Variants in NAALADL2 observed in about 807,000 individuals in gnomAD.
NAALADL2 encodes inactive N-acetylated-alpha-linked acidic dipeptidase-like protein 2.
Under a neutral mutation model 87.2 loss-of-function variants are expected in NAALADL2, and 76 were observed. The ratio of observed to expected loss-of-function variants is 0.87; its 90% confidence interval spans 0.72 to 1.05. NAALADL2 has a LOEUF of 1.05. NAALADL2 is among the 50% of genes least tolerant of loss of function. The pLI is 0.00. For synonymous variants in NAALADL2, 354 were observed against 331.0 expected, an observed-to-expected ratio of 1.07 and a Z score of -0.75; for missense variants, 1,089 against 945.8, an observed-to-expected ratio of 1.15 and a Z score of -1.99.
At chr3:175,245,588 T>C (rs1747831508) in intron 3 of NAALADL2, among the ~76,000 whole-genome samples, 1 of 152,230 alleles carries the variant, frequency 6.6e-6, no homozygotes, top group Non-Finnish European at 1.5e-5. Context: ...ATTTGTGCTA[T>C]TGAAACATAG....
At chr3:175,722,610 C>T (rs760615033) in intron 11 of NAALADL2, among the ~76,000 whole-genome samples, 21 of 152,064 alleles carry the variant, frequency 1.4e-4, no homozygotes, top group Non-Finnish European at 2.5e-4. Context: ...TGCTGTTTTC[C>T]ACTAAATAAA....
chr3:175,665,932 C>T (rs566914725), intron 11 of NAALADL2, among the ~76,000 whole-genome samples: 1 of 151,510 alleles, frequency 6.6e-6, no homozygotes, highest in East Asian at 1.9e-4. Flanking sequence ...TCTGTCCCCC[C>T]CCCAAAAAAA....
At chr3:174,638,023 A>C (rs1176702760) in intron 2 of NAALADL2, among the ~76,000 whole-genome samples, 1 of 152,204 alleles carries the variant, frequency 6.6e-6, no homozygotes, top group Non-Finnish European at 1.5e-5. Flanking sequence ...AATGAAATGC[A>C]CCAATAGTAG....
chr3:174,947,163 A>G (rs184866016), intron 1 of NAALADL2, among the ~76,000 whole-genome samples: 27 of 152,156 alleles, frequency 1.8e-4, no homozygotes, highest in Non-Finnish European at 3.5e-4. Context: ...TTGCTGCCAC[A>G]TGATACTGAT....
intron 2 of NAALADL2, among the ~76,000 whole-genome samples, chr3:174,642,129 C>G: frequency 6.6e-6 from 1 of 152,056 alleles, no homozygotes. Context: ...ACACACAATG[C>G]TTTCTAAAGA....
chr3:175,172,043 G>A (rs996471270), intron 2 of NAALADL2, among the ~76,000 whole-genome samples: 7 of 152,054 alleles, frequency 4.6e-5, no homozygotes, highest in African/African-American at 1.7e-4. Flanking sequence ...ATATTTTAAA[G>A]TAGCTAGAAG....
Position 174,500,119 on chromosome 3 carries a change from G to A in NAALADL2, c.-183-50450G>A, listed in dbSNP as rs760205328. 4.6e-5 allele frequency among the ~76,000 whole-genome samples: 7 copies of A among 151,668 alleles called. No individual in the cohort carries two copies. The South Asian group carries it at 1.5e-3, about 32-fold the overall frequency. On this transcript the variant is annotated intron_variant, in intron 1 of 3. Transcript: ENST00000434257. Reference sequence around the variant, plus strand: ...TTCTCTTGGCAATGTTTTATTTTCAGTTTATAGGTCTTCTACACCTTTTGT... The same window carrying A: ...TTCTCTTGGCAATGTTTTATTTTCAATTTATAGGTCTTCTACACCTTTTGT...
At chr3:174,954,141 C>T (rs1740830345) in intron 1 of NAALADL2, among the ~76,000 whole-genome samples, 1 of 152,006 alleles carries the variant, frequency 6.6e-6, no homozygotes, top group Non-Finnish European at 1.5e-5. Context: ...GGATCAAGCC[C>T]ACTGCCCTAA....
chr3:174,956,533 A>C (rs1741176722), intron 1 of NAALADL2, among the ~76,000 whole-genome samples: 1 of 152,106 alleles, frequency 6.6e-6, no homozygotes, highest in South Asian at 2.1e-4. Context: ...TATAGGGTTT[A>C]GTGAGATAAA....
At chr3:174,586,326 A>G (rs1258503803) in intron 2 of NAALADL2, among the ~76,000 whole-genome samples, 1 of 152,216 alleles carries the variant, frequency 6.6e-6, no homozygotes, top group Non-Finnish European at 1.5e-5. Flanking sequence ...TACGATAAAT[A>G]AGGCCACAAT....
intron 11 of NAALADL2, among the ~76,000 whole-genome samples, chr3:175,726,964 C>T (rs1440464285): frequency 6.6e-6 from 1 of 152,116 alleles, no homozygotes; most frequent in Non-Finnish European, 1.5e-5. Context: ...GGTGTTAGTA[C>T]ATACTTGCAA....
rs542481747 is a variant in NAALADL2, at chr3:174,717,006, G to T, written c.-114-20635G>T. The stretch of plus-strand genomic sequence containing the variant: ...ATTTTAGAATTGTTTTTTTTCCAAA[G>T]ACCTTGTTTTGTATAGAAACAGAGA... On this transcript the variant is annotated intron_variant, in intron 2 of 3. Transcript: ENST00000434257. Among the ~76,000 whole-genome samples the T allele has an allele frequency of 2.8e-4, 43 of 152,038 alleles. No homozygotes were observed. In the Middle Eastern group the frequency reaches 0.01, roughly 36 times the overall value.
At chr3:175,595,355 T>G (rs573077623) in intron 10 of NAALADL2, among the ~76,000 whole-genome samples, 1 of 152,242 alleles carries the variant, frequency 6.6e-6, no homozygotes, top group Non-Finnish European at 1.5e-5. Flanking sequence ...CATTGGTCTA[T>G]GTGTCTGTTT....
rs186426417 is a variant in NAALADL2 at position 175,480,470 on chromosome 3, G to A, written c.1653+8712G>A. Among the ~76,000 whole-genome samples the A allele has an allele frequency of 1.3e-3, 191 of 151,992 alleles. 1 individual carries two copies. The highest frequency in any genetic ancestry group is 2.0e-3 in the Non-Finnish European group (136 of 67,840). ...TAGCCTGGATTGAAATAGACATGAT[G>A]TAGTGAGGTTTAGGGAGAAAAATCT... is the stretch of plus-strand genomic sequence containing the variant. On this transcript the variant is annotated intron_variant, in intron 9 of 13. Coordinates refer to ENST00000454872, the MANE Select transcript of NAALADL2 (RefSeq NM_207015.3).
At chr3:175,393,280 CAAAAAAAAAAAAAAAAAAAAA>C (rs775778803) in intron 5 of NAALADL2, among the ~76,000 whole-genome samples, 2 of 29,516 alleles carry the variant, frequency 6.8e-5, no homozygotes, top group African/African-American at 1.4e-4. Context: ...GACTCCGTCT[CAAAAAAAAAAAAAAAAAAAAA>C]AAAAAAAAAA....
intron 13 of NAALADL2, among the ~76,000 whole-genome samples, chr3:175,779,757 CAACCTTT>C (rs1750756668): frequency 6.6e-6 from 1 of 152,136 alleles, no homozygotes; most frequent in Non-Finnish European, 1.5e-5. Context: ...AAATTTTCAA[CAACCTTT>C]AAGTAATACA....
At chr3:175,800,939 G>T (rs1016617088) in intron 13 of NAALADL2, among the ~76,000 whole-genome samples, 4 of 152,152 alleles carry the variant, frequency 2.6e-5, no homozygotes, top group African/African-American at 9.7e-5. Context: ...TAAGGAAAGC[G>T]AATGACTTAC....
At chr3:174,917,426 A>C (rs917828157) in intron 1 of NAALADL2, among the ~76,000 whole-genome samples, 1 of 152,154 alleles carries the variant, frequency 6.6e-6, no homozygotes, top group African/African-American at 2.4e-5. Context: ...CCTGAAACTG[A>C]GTATAAATGT....
In NAALADL2 at chr3:174,450,599, C is replaced by T. The variant is rs568825083; in HGVS notation, c.-184+9567C>T. ...AGACTGAGAGAGTCCAGGCTGGGCG[C>T]GGTGGCTATTGCCTGTAATCCCAGC... On this transcript the variant is annotated intron_variant, in intron 1 of 3. Transcript: ENST00000434257. 1.6e-3 allele frequency among the ~76,000 whole-genome samples: 239 copies of T among 152,060 alleles called. 1 individual carries two copies. Among genetic ancestry groups the T allele is most frequent in the South Asian group, 2.1e-3 (10 of 4,810 alleles).
Sources: gnomAD v4.1 joint callset for allele counts (sites outside exome capture counted in the v4.1 genomes callset) on GRCh38, gnomAD v4.1.1 for gene constraint, MANE v1.5 for transcripts, NCBI Gene and HGNC (gene_info 2026-07-23, HGNC 2026-07-21) for gene names.